Variants in UMODL1 observed in about 807,000 individuals in gnomAD.
UMODL1 encodes the protein uromodulin like 1.
Under a neutral mutation model 136.3 loss-of-function variants are expected in UMODL1, and 128 were observed. That is an observed-to-expected ratio of 0.94 (90% CI 0.81 to 1.09). UMODL1 has a LOEUF of 1.09. Among genes scored for constraint, UMODL1 ranks in the 50% least tolerant of loss-of-function variants. The pLI is 0.00. For missense variants in UMODL1, 1,766 were observed against 1,725.6 expected (o/e 1.02, Z -0.41); for synonymous variants, 721 against 720.0 (o/e 1.00, Z -0.02).
At position 42,123,410 on chromosome 21, in the gene UMODL1, T is replaced by C. The variant is rs964672627; in HGVS notation, c.3147+260T>C. On this transcript the variant is annotated intron_variant, in intron 17 of 22. Coordinates refer to ENST00000408910, the MANE Select transcript of UMODL1 (RefSeq NM_001004416.3). This position sits in a 1 kb window ranked among gnomAD's most constrained non-coding sequence, Gnocchi z 4.4. ...AGAGTCACGGCTTAAAACTCCTCCC[T>C]GCACAGACAGGATGAGAGGCAGTGG... Among the ~76,000 whole-genome samples, 2 of 152,072 alleles carry C rather than the reference T, an allele frequency of 1.3e-5. No individual in the cohort carries two copies. Among genetic ancestry groups the C allele is most frequent in the Admixed American group, 6.5e-5 (1 of 15,270 alleles).
Position 42,099,228 on chromosome 21 carries a change from C to T in UMODL1, c.1186+48C>T. ...CACGTTAGCTTGCGAGCTTGTCTTT[C>T]TATCCCAGGTCTGTGGCCCTAGCAT... is the stretch of plus-strand genomic sequence containing the variant. On this transcript the variant is annotated intron_variant, in intron 7 of 22. Coordinates refer to ENST00000408910, the MANE Select transcript of UMODL1 (RefSeq NM_001004416.3). The surrounding 1 kb of genome is among the most constrained non-coding windows in gnomAD (Gnocchi z 4.1). 1 of 1,595,228 alleles carries T rather than the reference C, an allele frequency of 6.3e-7. No homozygotes were observed. The highest frequency in any genetic ancestry group is 8.6e-7 in the Non-Finnish European group (1 of 1,169,098).
chr21:42,102,828 A>G (rs1257483461), intron 8 of UMODL1: 4 of 152,652 alleles, frequency 2.6e-5, no homozygotes, highest in East Asian at 1.9e-4. Context: ...CCACAGTTTC[A>G]TGGATGCTGG....
In UMODL1 at chr21:42,076,072, G is replaced by A. The variant is rs745635550; in HGVS notation, c.144G>A (p.Val48=). ...SHRVTHTVQK[V]EAVQTSYTSY... ...GTGTGACCCACACTGTACAGAAGGT[G>A]GAGGCCGTGCAGACGTCCTACACGT... The change falls in exon 2 of 23, where the codon GTG becomes GTA. Residue 48 remains valine, a synonymous_variant. Coordinates refer to ENST00000408910, the MANE Select transcript of UMODL1 (RefSeq NM_001004416.3). 11 of 1,614,134 alleles carry A rather than the reference G, an allele frequency of 6.8e-6. No homozygotes were observed. Among genetic ancestry groups the A allele is most frequent in the South Asian group, 1.1e-5 (1 of 91,092 alleles).
rs1186384157 is a variant in UMODL1 at position 42,127,703 on chromosome 21, A to G, written c.3562A>G (p.Ile1188Val). Residue 1188 changes from isoleucine (I) to valine (V), a missense_variant, in exon 20 of 23, where the codon ATT (isoleucine) becomes GTT (valine). Transcript: ENST00000408910. ...TGTGCCCAACACATACACCAACGTGATTGAGAACGGCAACTCCAATAAGGC... is the reference window on the plus strand; with the variant it reads ...TGTGCCCAACACATACACCAACGTGGTTGAGAACGGCAACTCCAATAAGGC... ...CPVPNTYTNV[I>V]ENGNSNKAQF... The G allele has an allele frequency of 6.2e-7, 1 of 1,614,162 alleles. No homozygotes were observed.
At chr21:42,117,276 G>A (rs919394996) in intron 14 of UMODL1, among the ~76,000 whole-genome samples, 1 of 152,230 alleles carries the variant, frequency 6.6e-6, no homozygotes, top group Non-Finnish European at 1.5e-5. Context: ...GCATGTGTCA[G>A]CACTGGATTC....
rs764389511 is a variant in UMODL1 at position 42,099,095 on chromosome 21, G to T, written c.1101G>T (p.Gly367=). The change falls in exon 7 of 23, where the codon GGG becomes GGT. Residue 367 remains glycine, a synonymous_variant. Coordinates refer to ENST00000408910, the MANE Select transcript of UMODL1 (RefSeq NM_001004416.3). The surrounding 1 kb of genome is among the most constrained non-coding windows in gnomAD (Gnocchi z 4.1). The stretch of plus-strand genomic sequence containing the variant: ...AGAGCCAGGCACTGGCAGTGGCTGG[G>T]CTGGAGGCTGGAGTGCTGTACAGGG... ...RTQSQALAVA[G]LEAGVLYRVK... The T allele has an allele frequency of 1.4e-4, 218 of 1,614,052 alleles. No homozygotes were observed. The highest frequency in any genetic ancestry group is 1.8e-4 in the Non-Finnish European group (215 of 1,180,060).
At chr21:42,071,049 G>T (rs979726583), upstream of UMODL1, among the ~76,000 whole-genome samples, 2 of 152,228 alleles carry the variant, frequency 1.3e-5, no homozygotes, top group Non-Finnish European at 2.9e-5. Flanking sequence ...TTTCCTAAAA[G>T]ATGCCATCTG....
chr21:42,088,733 T>G, intron 5 of UMODL1, among the ~76,000 whole-genome samples: 1 of 148,744 alleles, frequency 6.7e-6, no homozygotes, highest in African/African-American at 2.5e-5. Flanking sequence ...CCCGCCCCTC[T>G]CCTCTTCCCT....
At chr21:42,130,352 A>G (rs8134607) in intron 21 of UMODL1, among the ~76,000 whole-genome samples, 12,409 of 152,148 alleles carry the variant, frequency 0.082, 881 homozygotes, top group East Asian at 0.23. Context: ...AGCCAATTAC[A>G]TTGCATGTAT....
At position 42,122,763 on chromosome 21, in the gene UMODL1, C is replaced by T; in HGVS notation, c.2828-68C>T. 1 of 1,488,366 alleles carries T rather than the reference C, an allele frequency of 6.7e-7. No homozygotes were observed. The highest frequency in any genetic ancestry group is 9.0e-7 in the Non-Finnish European group (1 of 1,112,772). The allele number at this position is 1,488,366 out of a possible 1,614,324, so 92.2% of individuals were successfully genotyped here. ...CAGGGCAGCTCCAGTCTGCTCCTTACCCCTGCCCCTCCATGCCAACCCCAA... is the reference window on the plus strand; with the variant it reads ...CAGGGCAGCTCCAGTCTGCTCCTTATCCCTGCCCCTCCATGCCAACCCCAA... On this transcript the variant is annotated intron_variant, in intron 16 of 22. Coordinates refer to ENST00000408910, the MANE Select transcript of UMODL1 (RefSeq NM_001004416.3). The surrounding 1 kb of genome is among the most constrained non-coding windows in gnomAD (Gnocchi z 4.3).
rs186824491 is a variant in UMODL1, at chr21:42,118,831, C to T, written c.2476-280C>T. Among the ~76,000 whole-genome samples, 4 of 152,260 alleles carry T rather than the reference C, an allele frequency of 2.6e-5. No homozygotes were observed. The East Asian group carries it at 5.8e-4, about 22-fold the overall frequency. On this transcript the variant is annotated intron_variant, in intron 14 of 22. Coordinates refer to ENST00000408910, the MANE Select transcript of UMODL1 (RefSeq NM_001004416.3). The stretch of plus-strand genomic sequence containing the variant: ...CATGAGGTAGGGTCTCTGCCTGTGC[C>T]CCCAAGTCCCACCCTCGCCCCACAG...
At chr21:42,140,541 C>T (rs1232908601) in intron 22 of UMODL1, among the ~76,000 whole-genome samples, 5 of 152,192 alleles carry the variant, frequency 3.3e-5, no homozygotes, top group Non-Finnish European at 4.4e-5. Context: ...GCCTTTCTTA[C>T]ACTAGTGTTC....
chr21:42,088,090 G>A (rs914989300), intron 4 of UMODL1, among the ~76,000 whole-genome samples: 5 of 152,166 alleles, frequency 3.3e-5, no homozygotes, highest in African/African-American at 1.2e-4. Flanking sequence ...TATCACAACT[G>A]GTACTGAAAG....
rs377537296 is a variant in UMODL1, at chr21:42,111,084, A to G, written c.1862A>G (p.Tyr621Cys). 1.8e-4 allele frequency: 292 copies of G among 1,612,976 alleles called. 3 individuals carry two copies. The highest frequency in any genetic ancestry group is 1.5e-3 in the Admixed American group (91 of 59,860). Residue 621 changes from tyrosine to cysteine, a missense_variant, in exon 11 of 23, where the codon TAT (tyrosine) becomes TGT (cysteine). Coordinates refer to ENST00000408910, the MANE Select transcript of UMODL1 (RefSeq NM_001004416.3). The stretch of plus-strand genomic sequence containing the variant: ...AGAGGGGGCAGCAATGTGGTCGGGT[A>G]TGACAGGAACAACACAGGAAAAGGC... ...PRRGGSNVVG[Y>C]DRNNTGKGVE...
chr21:42,108,926 A>C (rs144283330), intron 9 of UMODL1, among the ~76,000 whole-genome samples: 93 of 24,556 alleles, frequency 3.8e-3, no homozygotes, highest in Non-Finnish European at 4.4e-3. Context: ...CCCCCCCACG[A>C]GAGAAGTCCA....
rs747301622 is a variant in UMODL1, at chr21:42,109,661, G to A, written c.1619G>A (p.Arg540Lys). 3 of 1,607,856 alleles carry A rather than the reference G, an allele frequency of 1.9e-6. No individual in the cohort carries two copies. The highest frequency in any genetic ancestry group is 2.2e-5 in the East Asian group (1 of 44,872). The change falls in exon 10 of 23, where the codon AGG becomes AAG. Residue 540 changes from arginine to lysine, a missense_variant. Transcript: ENST00000408910. ...TACACCTGCCAGTGCCGTACCACCA[G>A]GGACGCCACCCCCTCCCGCGCAGGC... Reference protein sequence around the residue: ...GSYTCQCRTTRDATPSRAGRA... With the variant: ...GSYTCQCRTTKDATPSRAGRA...
chr21:42,132,182 C>T (rs1480528359), intron 21 of UMODL1, among the ~76,000 whole-genome samples: 1 of 152,024 alleles, frequency 6.6e-6, no homozygotes. Context: ...ATCTATCCAT[C>T]TATCATCCAT....
chr21:42,128,933 C>G (rs1182477188), intron 20 of UMODL1, among the ~76,000 whole-genome samples: 1 of 152,162 alleles, frequency 6.6e-6, no homozygotes, highest in African/African-American at 2.4e-5. Context: ...GTTCTGGAGG[C>G]AGGAAGTCCA....
intron 6 of UMODL1, among the ~76,000 whole-genome samples, chr21:42,097,181 A>G (rs756508558): frequency 6.6e-6 from 1 of 152,232 alleles, no homozygotes; most frequent in East Asian, 1.9e-4. Context: ...TGTAAAAAGT[A>G]TAGATGTGTC....
Sources: allele counts gnomAD v4.1 joint callset (sites outside exome capture counted in the v4.1 genomes callset), GRCh38; gene constraint gnomAD v4.1.1; non-coding constraint Gnocchi (gnomAD v3.1); transcripts MANE v1.5; gene names NCBI Gene and HGNC (gene_info 2026-07-23, HGNC 2026-07-21).